SPATA16: variants seen among roughly 807,000 people sequenced by gnomAD.
The protein encoded by SPATA16 is spermatogenesis-associated protein 16.
A neutral mutation model predicts 63.3 loss-of-function variants in SPATA16; 36 were observed. The observed-to-expected ratio is 0.57, with a 90% CI of 0.44 to 0.75. The LOEUF (loss-of-function observed/expected upper bound fraction) is 0.75, where lower values mean the gene tolerates loss of function less well. SPATA16 is among the 30% of genes least tolerant of loss of function. SPATA16 has a pLI of 0.00. For missense variants in SPATA16, 646 were observed against 679.3 expected (o/e 0.95, Z 0.54); for synonymous variants, 203 against 216.7 (o/e 0.94, Z 0.56).
chr3:172,932,143 G>A (rs2109588112), intron 6 of SPATA16, among the ~76,000 whole-genome samples: 1 of 152,256 alleles, frequency 6.6e-6, no homozygotes, highest in East Asian at 1.9e-4. Flanking sequence ...AAAGCACTAA[G>A]CATAGACACT....
At chr3:173,048,771 T>G (rs1324103329) in intron 3 of SPATA16, among the ~76,000 whole-genome samples, 178 bp downstream of exon 3, 1 of 152,188 alleles carries the variant, frequency 6.6e-6, no homozygotes, top group African/African-American at 2.4e-5. Flanking sequence ...TTTCTTCCAG[T>G]AGGTTTTGAG....
At position 173,008,933 on chromosome 3, in the gene SPATA16, A is replaced by G. The variant is rs76128272; in HGVS notation, c.848+10553T>C. ...CTAAATGTACATAGGAAAATGTACT[A>G]TATCAGTTAGATATATTCAATAAGA... On this transcript the variant is annotated intron_variant, in intron 4 of 10. Transcript: ENST00000351008. Among the ~76,000 whole-genome samples, 455 of 152,338 alleles carry G rather than the reference A, an allele frequency of 3.0e-3. 2 individuals carry two copies. The highest frequency in any genetic ancestry group is 0.011 in the African/African-American group (437 of 41,578).
chr3:173,134,896 A>G (rs997009409), intron 1 of SPATA16, among the ~76,000 whole-genome samples: 1 of 152,244 alleles, frequency 6.6e-6, no homozygotes, highest in South Asian at 2.1e-4. Context: ...TAATGCTTTT[A>G]AAAGAAAATG....
At chr3:172,953,982 A>G (rs1733511942) in intron 6 of SPATA16, among the ~76,000 whole-genome samples, 1 of 152,234 alleles carries the variant, frequency 6.6e-6, no homozygotes, top group Non-Finnish European at 1.5e-5. Flanking sequence ...GTTTGCACAC[A>G]TCTGCTGTGT....
intron 3 of SPATA16, among the ~76,000 whole-genome samples, chr3:173,028,316 A>G (rs78422455): frequency 0.018 from 2,666 of 151,884 alleles, 75 homozygotes; most frequent in African/African-American, 0.06. Flanking sequence ...GGATAAGATG[A>G]TGACATTTAT....
At chr3:173,044,364 C>G (rs1216504464) in intron 3 of SPATA16, among the ~76,000 whole-genome samples, 1 of 152,116 alleles carries the variant, frequency 6.6e-6, no homozygotes, top group Non-Finnish European at 1.5e-5. Flanking sequence ...CTTTAGCATT[C>G]TCCAAACTGA....
chr3:173,080,726 T>A lies in SPATA16; in HGVS notation c.613-31632A>T, dbSNP rs890017896. Among the ~76,000 whole-genome samples, 6 of 152,204 alleles carry A rather than the reference T, an allele frequency of 3.9e-5. No individual in the cohort carries two copies. In the East Asian group the frequency reaches 1.2e-3, roughly 29 times the overall value. On this transcript the variant is annotated intron_variant, in intron 2 of 10. Coordinates refer to ENST00000351008, the MANE Select transcript of SPATA16 (RefSeq NM_031955.6). ...AGGGCACCATTAGACAAATTCTGAA[T>A]GAATTCCCTGATTTATTAACTTATA...
chr3:173,088,231 T>C (rs535014542), intron 2 of SPATA16, among the ~76,000 whole-genome samples: 1 of 151,572 alleles, frequency 6.6e-6, no homozygotes, highest in South Asian at 2.1e-4. Flanking sequence ...ACTACAGGTG[T>C]GCACTACCAT....
At chr3:173,106,070 C>G (rs551650862) in intron 2 of SPATA16, among the ~76,000 whole-genome samples, 20 of 152,242 alleles carry the variant, frequency 1.3e-4, no homozygotes, top group Admixed American at 3.9e-4. Context: ...GGTAATAACA[C>G]AGAGACTGAA....
chr3:172,903,249 T>C (rs1057511569), intron 10 of SPATA16, among the ~76,000 whole-genome samples: 1 of 152,250 alleles, frequency 6.6e-6, no homozygotes, highest in African/African-American at 2.4e-5. Flanking sequence ...CAGTTCAACA[T>C]GCAATTGAGA....
intron 4 of SPATA16, among the ~76,000 whole-genome samples, chr3:172,996,099 G>A (rs1734686972): frequency 1.3e-5 from 2 of 151,894 alleles, no homozygotes; most frequent in South Asian, 4.1e-4. Context: ...TTATTACATA[G>A]AATGTCTTTC....
chr3:173,031,558 T>C (rs1735609937), intron 3 of SPATA16, among the ~76,000 whole-genome samples: 1 of 152,114 alleles, frequency 6.6e-6, no homozygotes, highest in Non-Finnish European at 1.5e-5. Context: ...GAGTGTTCCA[T>C]ATTGTTGCTT....
At chr3:172,907,156 A>G (rs1021303921) in intron 10 of SPATA16, among the ~76,000 whole-genome samples, 2 of 152,334 alleles carry the variant, frequency 1.3e-5, no homozygotes, top group Middle Eastern at 3.4e-3. Context: ...CTTATTTTAC[A>G]TGAGAACACT....
intron 5 of SPATA16, among the ~76,000 whole-genome samples, chr3:172,960,545 T>A (rs190010417): frequency 1.3e-5 from 2 of 152,150 alleles, no homozygotes; most frequent in South Asian, 4.1e-4. Flanking sequence ...AAACAGTAAC[T>A]TATAATAATT....
chr3:172,927,814 A>C (rs1415562408), intron 6 of SPATA16, among the ~76,000 whole-genome samples: 1 of 152,240 alleles, frequency 6.6e-6, no homozygotes, highest in African/African-American at 2.4e-5. Flanking sequence ...CTCTATCTAG[A>C]AAAGTATACT....
At chr3:173,082,978 G>C (rs1296643425) in intron 2 of SPATA16, among the ~76,000 whole-genome samples, 2 of 151,886 alleles carry the variant, frequency 1.3e-5, no homozygotes, top group African/African-American at 4.8e-5. Context: ...CATCAATTAG[G>C]TATTTATAAA....
chr3:172,893,986 A>G (rs759776174), intron 10 of SPATA16, among the ~76,000 whole-genome samples: 1 of 152,188 alleles, frequency 6.6e-6, no homozygotes, highest in Non-Finnish European at 1.5e-5. Context: ...TTTAAAGAAG[A>G]AAGTTGAGGA....
intron 1 of SPATA16, among the ~76,000 whole-genome samples, chr3:173,137,000 A>G (rs1738563811): frequency 6.6e-6 from 1 of 152,242 alleles, no homozygotes; most frequent in African/African-American, 2.4e-5. Flanking sequence ...ACACTACTGA[A>G]TTGTATTTGA....
chr3:173,016,748 C>T lies in SPATA16; in HGVS notation c.848+2738G>A, dbSNP rs777700887. Reference sequence around the variant, plus strand: ...AAATGCTGTAAGCCAGGTGCAGTGTCTCACATCTGCAATCCCAGCACTTTG... The same window carrying T: ...AAATGCTGTAAGCCAGGTGCAGTGTTTCACATCTGCAATCCCAGCACTTTG... On this transcript the variant is annotated intron_variant, in intron 4 of 10. Transcript: ENST00000351008. Among the ~76,000 whole-genome samples the T allele has an allele frequency of 5.8e-4, 88 of 152,164 alleles. 1 individual carries two copies. The highest frequency in any genetic ancestry group is 9.7e-4 in the Non-Finnish European group (66 of 68,026).
Sources: gnomAD v4.1 joint callset for allele counts (sites outside exome capture counted in the v4.1 genomes callset) on GRCh38, gnomAD v4.1.1 for gene constraint, MANE v1.5 for transcripts, NCBI Gene and HGNC (gene_info 2026-07-23, HGNC 2026-07-21) for gene names.